WDR25: variants seen among roughly 807,000 people sequenced by gnomAD.
The protein encoded by WDR25 is WD repeat domain 25.
WDR25 carries 35 observed loss-of-function variants against 47.7 expected under a neutral mutation model. That is an observed-to-expected ratio of 0.73 (90% CI 0.56 to 0.97). The LOEUF is 0.97. WDR25 is among the 50% of genes least tolerant of loss of function. The pLI is 0.00. For missense variants in WDR25, 634 were observed against 704.7 expected, an observed-to-expected ratio of 0.90 and a Z score of 1.14; for synonymous variants, 248 against 278.9, an observed-to-expected ratio of 0.89 and a Z score of 1.10.
chr14:100,458,503 G>A (rs1899277101), intron 2 of WDR25, among the ~76,000 whole-genome samples: 1 of 152,084 alleles, frequency 6.6e-6, no homozygotes, highest in Non-Finnish European at 1.5e-5. Flanking sequence ...AATAGATCAA[G>A]TAGACAGAAA....
intron 2 of WDR25, among the ~76,000 whole-genome samples, chr14:100,432,973 G>C (rs987378792): frequency 6.6e-6 from 1 of 152,226 alleles, no homozygotes; most frequent in Admixed American, 6.5e-5. Context: ...ACACAATGGG[G>C]CATTTGTGTA....
In WDR25 at chr14:100,467,560, C is replaced by T. The variant is rs111791414; in HGVS notation, c.823-461C>T. Among the ~76,000 whole-genome samples, 85 of 152,308 alleles carry T rather than the reference C, an allele frequency of 5.6e-4. 2 individuals carry two copies. Among genetic ancestry groups the T allele is most frequent in the African/African-American group, 1.6e-3 (67 of 41,560 alleles). On this transcript the variant is annotated intron_variant, in intron 2 of 6. Transcript: ENST00000402312. ...CCAGGTTGGAGGGCAGTGGTGCAATCGTGATTCACTGCAACCTCTGCCTCC... is the reference window on the plus strand; with the variant it reads ...CCAGGTTGGAGGGCAGTGGTGCAATTGTGATTCACTGCAACCTCTGCCTCC...
Position 100,529,984 on chromosome 14 carries a change from G to A in WDR25, c.1578G>A (p.Val526=), listed in dbSNP as rs778823796. The change falls in exon 7 of 7, where the codon GTG becomes GTA. Residue 526 remains valine (V), a synonymous_variant. Coordinates refer to ENST00000402312, the MANE Select transcript of WDR25 (RefSeq NM_001161476.3). The surrounding 1 kb of genome is among the most constrained non-coding windows in gnomAD (Gnocchi z 5.1). ...QACVGTTYHP[V]LPSVLATCSW... is the part of the protein sequence containing the mutation. Reference sequence around the variant, plus strand: ...GTGTCGGCACCACCTATCACCCCGTGCTGCCCTCCGTCCTCGCCACCTGCT... The same window carrying A: ...GTGTCGGCACCACCTATCACCCCGTACTGCCCTCCGTCCTCGCCACCTGCT... 6.2e-7 allele frequency: 1 copy of A among 1,613,464 alleles called. No individual in the cohort carries two copies. Among genetic ancestry groups the A allele is most frequent in the Admixed American group, 1.7e-5 (1 of 60,026 alleles).
intron 1 of WDR25, among the ~76,000 whole-genome samples, chr14:100,378,337 T>C (rs560613453): frequency 6.6e-6 from 1 of 152,140 alleles, no homozygotes; most frequent in South Asian, 2.1e-4. Flanking sequence ...GCCCGGCTAA[T>C]TTTTGTATTT....
chr14:100,490,891 G>T (rs998108619), intron 4 of WDR25, among the ~76,000 whole-genome samples: 7 of 152,212 alleles, frequency 4.6e-5, no homozygotes, highest in Admixed American at 4.6e-4. Flanking sequence ...TATTAAAAAG[G>T]CTTTTTATTT....
At chr14:100,397,949 C>G (rs1897296149) in intron 2 of WDR25, among the ~76,000 whole-genome samples, 2 of 152,350 alleles carry the variant, frequency 1.3e-5, no homozygotes, top group Admixed American at 1.3e-4. Context: ...AGCAATTCTC[C>G]TGCCTCAGCC....
intron 2 of WDR25, among the ~76,000 whole-genome samples, chr14:100,452,723 T>G (rs1018125528): frequency 2.6e-5 from 4 of 152,160 alleles, no homozygotes; most frequent in African/African-American, 9.7e-5. Flanking sequence ...TCGACTCTGA[T>G]GCAGAGGTCC....
intron 4 of WDR25, among the ~76,000 whole-genome samples, chr14:100,513,438 A>G (rs1901378017): frequency 6.6e-6 from 1 of 152,200 alleles, no homozygotes. Flanking sequence ...TGGACTTCCC[A>G]CCATCCAGAA....
At chr14:100,513,997 G>T (rs1038369454) in intron 4 of WDR25, among the ~76,000 whole-genome samples, 1 of 150,650 alleles carries the variant, frequency 6.6e-6, no homozygotes, top group East Asian at 1.9e-4. Flanking sequence ...GTGCAGTGGC[G>T]CAATCTCGGC....
In WDR25 at chr14:100,529,490, T is replaced by C; in HGVS notation, c.1413+282T>C. 1 of 591,912 alleles carries C rather than the reference T, an allele frequency of 1.7e-6. No individual in the cohort carries two copies. The allele number at this position is 591,912 out of a possible 1,614,324, so 36.7% of individuals were successfully genotyped here. On this transcript the variant is annotated intron_variant, in intron 6 of 6. Coordinates refer to ENST00000402312, the MANE Select transcript of WDR25 (RefSeq NM_001161476.3). This position sits in a 1 kb window ranked among gnomAD's most constrained non-coding sequence, Gnocchi z 5.1. The stretch of plus-strand genomic sequence containing the variant: ...GAACAGGACAAAATGGTCATGGGTG[T>C]CATTTCTGCATCCTTCCCTTTCCTC...
intron 4 of WDR25, among the ~76,000 whole-genome samples, chr14:100,519,921 T>C (rs1305651707): frequency 7.0e-6 from 1 of 143,314 alleles, no homozygotes; most frequent in East Asian, 2.0e-4. Context: ...ATATAGTATA[T>C]ATACTATATA....
chr14:100,473,680 A>G (rs1444206556), intron 3 of WDR25, among the ~76,000 whole-genome samples: 1 of 152,140 alleles, frequency 6.6e-6, no homozygotes, highest in Non-Finnish European at 1.5e-5. Context: ...GAAGTGTCCA[A>G]ATGAAAACCA....
intron 4 of WDR25, among the ~76,000 whole-genome samples, chr14:100,514,807 T>C (rs1256723036): frequency 6.6e-6 from 1 of 152,156 alleles, no homozygotes; most frequent in Non-Finnish European, 1.5e-5. Context: ...TTCTATTGCT[T>C]TTCATTTTTG....
rs1901100473 is a variant in WDR25, at chr14:100,506,071, C to T, written c.1102-19799C>T. 6.6e-6 allele frequency among the ~76,000 whole-genome samples: 1 copy of T among 152,152 alleles called. No homozygotes were observed. The highest frequency in any genetic ancestry group is 1.5e-5 in the Non-Finnish European group (1 of 68,012). Reference sequence around the variant, plus strand: ...TTTTTCAACCCTTGCCCGCTCCCTCCCTCCACCCTCTAGACCACAGTGTCT... The same window carrying T: ...TTTTTCAACCCTTGCCCGCTCCCTCTCTCCACCCTCTAGACCACAGTGTCT... On this transcript the variant is annotated intron_variant, in intron 4 of 6. Transcript: ENST00000402312. This position sits in a 1 kb window ranked among gnomAD's most constrained non-coding sequence, Gnocchi z 4.8.
intron 5 of WDR25, among the ~76,000 whole-genome samples, chr14:100,528,094 A>G (rs1249153339): frequency 6.6e-6 from 1 of 152,068 alleles, no homozygotes; most frequent in African/African-American, 2.4e-5. Flanking sequence ...CTGAGGGCTC[A>G]TTGTGGAGGT....
chr14:100,491,347 T>C (rs1900558199), intron 4 of WDR25, among the ~76,000 whole-genome samples: 1 of 152,224 alleles, frequency 6.6e-6, no homozygotes, highest in Non-Finnish European at 1.5e-5. Flanking sequence ...TTGTTCACAG[T>C]GTGAATTCAG....
intron 4 of WDR25, 57 bp downstream of exon 4, chr14:100,484,181 G>A (rs1297277438): frequency 2.6e-6 from 4 of 1,563,898 alleles, no homozygotes; most frequent in Non-Finnish European, 3.5e-6. Context: ...TCGACAATTT[G>A]AATAATTGGG....
chr14:100,459,935 T>C (rs1405762943), intron 2 of WDR25, among the ~76,000 whole-genome samples: 4,674 of 90,502 alleles, frequency 0.052, 403 homozygotes, highest in African/African-American at 0.17. Context: ...TATATATATA[T>C]ATATACACAT....
chr14:100,459,892 G>A (rs867170906), intron 2 of WDR25, among the ~76,000 whole-genome samples: 108 of 35,168 alleles, frequency 3.1e-3, no homozygotes, highest in African/African-American at 0.018. Flanking sequence ...ATGTGTGTGT[G>A]TGTATATATA....
Sources: gnomAD v4.1 joint callset for allele counts (sites outside exome capture counted in the v4.1 genomes callset) on GRCh38, gnomAD v4.1.1 for gene constraint, Gnocchi (gnomAD v3.1) non-coding constraint, MANE v1.5 for transcripts, NCBI Gene and HGNC (gene_info 2026-07-23, HGNC 2026-07-21) for gene names.